Variants in PPP3CA observed in about 807,000 individuals in gnomAD.
PPP3CA encodes protein phosphatase 3 catalytic subunit alpha, also known as CAM-PRP catalytic subunit.
PPP3CA carries 14 observed loss-of-function variants against 66.5 expected under a neutral mutation model. The observed-to-expected ratio is 0.21, with a 90% CI of 0.14 to 0.33. The LOEUF (loss-of-function observed/expected upper bound fraction) is 0.33. Among genes scored for constraint, PPP3CA ranks in the 10% least tolerant of loss-of-function variants. The probability of loss-of-function intolerance (pLI) is 1.00; values close to 1 mark genes in which losing one functional copy is unlikely to be tolerated. For missense variants in PPP3CA, 317 were observed against 639.5 expected (o/e 0.50, Z 5.44); for synonymous variants, 232 against 226.2 (o/e 1.03, Z -0.23).
At chr4:101,035,072 C>A (rs938308095) in intron 11 of PPP3CA, among the ~76,000 whole-genome samples, 2 of 152,090 alleles carry the variant, frequency 1.3e-5, no homozygotes, top group African/African-American at 4.8e-5. Context: ...TTGAGACCAG[C>A]CTGGCCAACA....
intron 10 of PPP3CA, among the ~76,000 whole-genome samples, chr4:101,045,544 G>C (rs113790871): frequency 0.015 from 2,287 of 152,258 alleles, 57 homozygotes; most frequent in African/African-American, 0.051. Flanking sequence ...CAAAAAGAAA[G>C]AAGAATGACA....
At chr4:101,050,532 G>A (rs753981367) in intron 10 of PPP3CA, among the ~76,000 whole-genome samples, 5 of 152,122 alleles carry the variant, frequency 3.3e-5, no homozygotes, top group Non-Finnish European at 7.4e-5. Context: ...TGTTCTAAAT[G>A]CATTATTTCC....
chr4:101,194,224 AT>A (rs1397074995), intron 2 of PPP3CA, among the ~76,000 whole-genome samples: 2 of 152,192 alleles, frequency 1.3e-5, no homozygotes, highest in Admixed American at 1.3e-4. Flanking sequence ...CAAAAATAAA[AT>A]GTAAATAATG....
intron 3 of PPP3CA, among the ~76,000 whole-genome samples, chr4:101,107,097 T>G (rs1730787801): frequency 6.6e-6 from 1 of 152,226 alleles, no homozygotes; most frequent in Admixed American, 6.5e-5. Context: ...AAAACAAGGT[T>G]AGCAGAGTTC....
chr4:101,263,890 T>C (rs956582334), intron 1 of PPP3CA, among the ~76,000 whole-genome samples: 4 of 152,318 alleles, frequency 2.6e-5, no homozygotes, highest in Admixed American at 6.5e-5. Flanking sequence ...ATGCAAATTA[T>C]CTTCTCCTGA....
chr4:101,194,664 T>C (rs1444033775), intron 2 of PPP3CA, among the ~76,000 whole-genome samples: 1 of 152,040 alleles, frequency 6.6e-6, no homozygotes, highest in Non-Finnish European at 1.5e-5. Context: ...CCTCCTGGGT[T>C]CAAGAGATTC....
chr4:101,117,683 T>C (rs1721888080), intron 2 of PPP3CA, among the ~76,000 whole-genome samples: 1 of 151,714 alleles, frequency 6.6e-6, no homozygotes, highest in African/African-American at 2.4e-5. Context: ...ACAATTACAA[T>C]ATATAATTAC....
At chr4:101,189,866 T>C (rs1320407389) in intron 2 of PPP3CA, among the ~76,000 whole-genome samples, 1 of 151,994 alleles carries the variant, frequency 6.6e-6, no homozygotes, top group East Asian at 1.9e-4. Context: ...TCTGGATCAG[T>C]GAAAATTTTG....
intron 1 of PPP3CA, among the ~76,000 whole-genome samples, chr4:101,326,265 A>G (rs1191468067): frequency 6.6e-6 from 1 of 152,210 alleles, no homozygotes; most frequent in African/African-American, 2.4e-5. Flanking sequence ...ATAATTTTTA[A>G]ATGTTCTGTT....
chr4:101,050,628 G>A (rs940739252), intron 10 of PPP3CA, among the ~76,000 whole-genome samples: 4 of 152,046 alleles, frequency 2.6e-5, no homozygotes, highest in South Asian at 2.1e-4. Context: ...AACATTATTC[G>A]CCTAAGGTCT....
chr4:101,155,348 T>C (rs1201026027), intron 2 of PPP3CA, among the ~76,000 whole-genome samples: 1 of 152,218 alleles, frequency 6.6e-6, no homozygotes, highest in African/African-American at 2.4e-5. Flanking sequence ...ATTCGCATTA[T>C]GTAGAGCACC....
chr4:101,345,810 G>A (rs532923084), intron 1 of PPP3CA, among the ~76,000 whole-genome samples: 2 of 152,170 alleles, frequency 1.3e-5, no homozygotes, highest in Non-Finnish European at 2.9e-5. Context: ...AGGCGGCGAA[G>A]AGGAGGCAAT....
intron 13 of PPP3CA, among the ~76,000 whole-genome samples, chr4:101,026,607 C>G (rs1338334066): frequency 6.6e-6 from 1 of 151,932 alleles, no homozygotes; most frequent in Non-Finnish European, 1.5e-5. Flanking sequence ...CATGCCATCT[C>G]AGAATCCCAG....
chr4:101,207,593 G>A (rs1468802067), intron 1 of PPP3CA, among the ~76,000 whole-genome samples: 3 of 152,286 alleles, frequency 2.0e-5, no homozygotes, highest in African/African-American at 7.2e-5. Context: ...CTGGGAGGCC[G>A]AGGTGGGCAG....
chr4:101,110,963 C>G (rs1388575601), intron 2 of PPP3CA, among the ~76,000 whole-genome samples: 1 of 151,982 alleles, frequency 6.6e-6, no homozygotes, highest in African/African-American at 2.4e-5. Flanking sequence ...AAGATATGAG[C>G]ATAATAATTT....
intron 1 of PPP3CA, among the ~76,000 whole-genome samples, chr4:101,209,962 G>C (rs908434404): frequency 1.4e-4 from 22 of 152,220 alleles, no homozygotes; most frequent in Admixed American, 4.6e-4. Context: ...TTACAAAAAA[G>C]GAAAAGCAAA....
chr4:101,057,848 G>C (rs1728292791), intron 10 of PPP3CA, among the ~76,000 whole-genome samples: 1 of 152,056 alleles, frequency 6.6e-6, no homozygotes, highest in South Asian at 2.1e-4. Flanking sequence ...ATCTGATGCT[G>C]CTCATGGAAC....
At chr4:101,188,265 T>A (rs1724476199) in intron 2 of PPP3CA, among the ~76,000 whole-genome samples, 1 of 152,132 alleles carries the variant, frequency 6.6e-6, no homozygotes, top group East Asian at 1.9e-4. Flanking sequence ...ATGGTGATCT[T>A]GACATCTATT....
intron 1 of PPP3CA, among the ~76,000 whole-genome samples, chr4:101,316,366 A>AC (rs138550830): frequency 0.063 from 9,572 of 152,036 alleles, 1,024 homozygotes; most frequent in African/African-American, 0.22. Context: ...AGGCTATAAT[A>AC]CCCCATTGGA....
Sources: allele counts gnomAD v4.1 joint callset (sites outside exome capture counted in the v4.1 genomes callset), GRCh38; gene constraint gnomAD v4.1.1; transcripts MANE v1.5; gene names NCBI Gene and HGNC (gene_info 2026-07-23, HGNC 2026-07-21).